The following CELF2 variants were observed in gnomAD, a reference collection of about 807,000 sequenced individuals.
The protein encoded by CELF2 is CUG triplet repeat RNA-binding protein 2.
In CELF2, 8 loss-of-function variants were observed where a neutral mutation model predicts 62.6. The ratio of observed to expected loss-of-function variants is 0.13; its 90% CI spans 0.07 to 0.23. The LOEUF (loss-of-function observed/expected upper bound fraction) is 0.23. Ranked by LOEUF, CELF2 falls within the 10% of genes least tolerant of loss-of-function variation. The probability of loss-of-function intolerance (pLI) is 1.00; values close to 1 mark genes in which losing one functional copy is unlikely to be tolerated. For synonymous variants in CELF2, 258 were observed against 250.0 expected, an observed-to-expected ratio of 1.03 and a Z score of -0.30; for missense variants, 333 against 671.0, an observed-to-expected ratio of 0.50 and a Z score of 5.56.
At chr10:10,469,550 T>C in the CELF2 span, among the ~76,000 whole-genome samples, 1 of 151,950 alleles carries the variant, frequency 6.6e-6, no homozygotes, top group South Asian at 2.1e-4. Flanking sequence ...TCTGATTTGC[T>C]AATACTTTTA....
At position 11,059,137 on chromosome 10, in the gene CELF2, G is replaced by C. The variant is rs188517391; in HGVS notation, c.74+40974G>C. Among the ~76,000 whole-genome samples, 4 of 152,300 alleles carry C rather than the reference G, an allele frequency of 2.6e-5. No individual in the cohort carries two copies. The East Asian group carries it at 5.8e-4, about 22-fold the overall frequency. On this transcript the variant is annotated intron_variant, in intron 1 of 12. Transcript: ENST00000633077. ...ACATGGTTAACAAACTGCTACTTCA[G>C]CGCCCTCCACTAGTAAACAGAACCA...
At chr10:11,137,234 A>C (rs1255450784) in intron 1 of CELF2, among the ~76,000 whole-genome samples, 2 of 152,240 alleles carry the variant, frequency 1.3e-5, no homozygotes, top group African/African-American at 4.8e-5. Flanking sequence ...TTTCTAAAGT[A>C]GACCAGAAGA....
the CELF2 span, among the ~76,000 whole-genome samples, chr10:10,686,431 G>A: frequency 3.2e-4 from 48 of 151,712 alleles, no homozygotes; most frequent in African/African-American, 1.0e-3. Flanking sequence ...TGTGATCACC[G>A]CATCCCTGAG....
chr10:10,671,299 A>G, the CELF2 span, among the ~76,000 whole-genome samples: 11 of 151,660 alleles, frequency 7.3e-5, no homozygotes, highest in Non-Finnish European at 1.3e-4. Flanking sequence ...AAATCCTTCT[A>G]AATAATTGTC....
chr10:10,761,927 TGTGTG>T, the CELF2 span, among the ~76,000 whole-genome samples: 1,055 of 150,966 alleles, frequency 7.0e-3, 17 homozygotes, highest in African/African-American at 0.024. Flanking sequence ...TGTGTGTGTG[TGTGTG>T]TGTGTGTGTG....
chr10:10,693,652 TG>T, the CELF2 span, among the ~76,000 whole-genome samples: 6 of 151,644 alleles, frequency 4.0e-5, no homozygotes, highest in African/African-American at 1.2e-4. Flanking sequence ...GGACTCTTTT[TG>T]GTTGGTAAGC....
intron 9 of CELF2, among the ~76,000 whole-genome samples, chr10:11,313,790 T>TA (rs60108238): frequency 0.013 from 1,940 of 143,750 alleles, 29 homozygotes; most frequent in Middle Eastern, 0.054. Context: ...CCCATAGGCT[T>TA]AAAAAAAAAA....
chr10:11,018,268 C>A, intron 1 of CELF2, 105 bp downstream of exon 1: 1 of 944,360 alleles, frequency 1.1e-6, no homozygotes, highest in Non-Finnish European at 1.5e-6. Flanking sequence ...CGCGACTCGG[C>A]CGCTTCGGAT....
At chr10:10,905,143 G>A (rs536391641) in intron 1 of CELF2, among the ~76,000 whole-genome samples, 4 of 152,278 alleles carry the variant, frequency 2.6e-5, no homozygotes, top group South Asian at 2.1e-4. Flanking sequence ...CAGTGTTGTC[G>A]ACCTGTGGAA....
intron 5 of CELF2, 115 bp downstream of exon 5, chr10:11,257,987 A>C: frequency 1.7e-6 from 2 of 1,203,600 alleles, no homozygotes; most frequent in Non-Finnish European, 2.3e-6. Flanking sequence ...AATACATCCC[A>C]TGTGATAAAG....
chr10:10,932,121 C>T (rs966783211), intron 2 of CELF2, among the ~76,000 whole-genome samples: 5 of 152,122 alleles, frequency 3.3e-5, no homozygotes, highest in African/African-American at 1.2e-4. Context: ...TTACTAATGA[C>T]ATCCTTGATC....
intron 1 of CELF2, among the ~76,000 whole-genome samples, chr10:11,093,849 A>G (rs1261090941): frequency 6.6e-6 from 1 of 152,248 alleles, no homozygotes; most frequent in Non-Finnish European, 1.5e-5. Context: ...TCAACCTGTG[A>G]TATAATTATG....
intron 1 of CELF2, among the ~76,000 whole-genome samples, chr10:11,061,085 A>G (rs2066621341): frequency 6.6e-6 from 1 of 152,260 alleles, no homozygotes; most frequent in Admixed American, 6.5e-5. Context: ...AAGGCACGTC[A>G]AAAGCTGAGA....
At chr10:10,961,143 T>C (rs1253326622) in intron 2 of CELF2, among the ~76,000 whole-genome samples, 1 of 152,188 alleles carries the variant, frequency 6.6e-6, no homozygotes, top group Non-Finnish European at 1.5e-5. Flanking sequence ...GCATCTGTTG[T>C]TCTTTTTCCT....
At chr10:11,292,390 T>C (rs2092641923) in intron 9 of CELF2, among the ~76,000 whole-genome samples, 1 of 152,160 alleles carries the variant, frequency 6.6e-6, no homozygotes, top group Non-Finnish European at 1.5e-5. Context: ...CAGTGGGAAA[T>C]GAGAATTCAC....
chr10:10,521,281 C>T, the CELF2 span, among the ~76,000 whole-genome samples: 2 of 152,200 alleles, frequency 1.3e-5, no homozygotes, highest in South Asian at 2.1e-4. Flanking sequence ...CCTGGAAGTA[C>T]CATATTCCAA....
chr10:11,191,588 T>C lies in CELF2; in HGVS notation c.272-25837T>C, dbSNP rs1280061829. On this transcript the variant is annotated intron_variant, in intron 2 of 12. Transcript: ENST00000633077. The surrounding 1 kb of genome is among the most constrained non-coding windows in gnomAD (Gnocchi z 4.1). ...TGAAGTCACTGAGTAGCAGGGGAGGTTGGAGCCTGGGGCACCCCATGGCCT... is the reference window on the plus strand; with the variant it reads ...TGAAGTCACTGAGTAGCAGGGGAGGCTGGAGCCTGGGGCACCCCATGGCCT... Among the ~76,000 whole-genome samples, 2 of 151,826 alleles carry C rather than the reference T, an allele frequency of 1.3e-5. No individual in the cohort carries two copies. The highest frequency in any genetic ancestry group is 2.4e-5 in the African/African-American group (1 of 41,298).
the CELF2 span, among the ~76,000 whole-genome samples, chr10:10,497,989 T>C: frequency 6.6e-6 from 1 of 151,790 alleles, no homozygotes; most frequent in African/African-American, 2.4e-5. Flanking sequence ...AGGTCAGAGG[T>C]GAAGGAGGGT....
At chr10:11,060,215 C>G (rs2066397759) in intron 1 of CELF2, among the ~76,000 whole-genome samples, 1 of 152,180 alleles carries the variant, frequency 6.6e-6, no homozygotes. Context: ...CCTGAAAGAA[C>G]ATGGAATACA....
Sources: allele counts gnomAD v4.1 joint callset (sites outside exome capture counted in the v4.1 genomes callset), GRCh38; gene constraint gnomAD v4.1.1; non-coding constraint Gnocchi (gnomAD v3.1); transcripts MANE v1.5; gene names NCBI Gene and HGNC (gene_info 2026-07-23, HGNC 2026-07-21).